The following CSMD1 variants were observed in gnomAD, a reference collection of about 807,000 sequenced individuals.
The protein encoded by CSMD1 is CUB and sushi domain-containing protein 1.
Under a neutral mutation model 417.5 loss-of-function variants are expected in CSMD1, and 213 were observed. The observed-to-expected ratio is 0.51, with a 90% CI of 0.46 to 0.57. The LOEUF is 0.57. Ranked by LOEUF, CSMD1 falls within the 20% of genes least tolerant of loss-of-function variation. CSMD1 has a pLI of 0.00. For synonymous variants in CSMD1, 2,862 were observed against 1,736.8 expected (o/e 1.65, Z -16.11); for missense variants, 6,923 against 4,529.7 (o/e 1.53, Z -15.17).
At chr8:4,461,996 C>G (rs1181183478) in intron 2 of CSMD1, among the ~76,000 whole-genome samples, 4 of 152,052 alleles carry the variant, frequency 2.6e-5, no homozygotes, top group Non-Finnish European at 5.9e-5. Flanking sequence ...CCACCTCGGC[C>G]TCCCAAATTG....
Position 3,699,758 on chromosome 8 carries a change from C to T in CSMD1, c.1009+8656G>A, listed in dbSNP as rs900095. Among the ~76,000 whole-genome samples, 846 of 152,212 alleles carry T rather than the reference C, an allele frequency of 5.6e-3. 10 individuals carry two copies. The highest frequency in any genetic ancestry group is 0.019 in the African/African-American group (778 of 41,494). On this transcript the variant is annotated intron_variant, in intron 7 of 69. Transcript: ENST00000635120. ...ATGACAGCTTCTGGATGCTCCGCAA[C>T]GAGGGACTGTTGAATGTGTGAGTGA...
At chr8:3,157,701 A>T (rs752104395) in intron 39 of CSMD1, among the ~76,000 whole-genome samples, 196 bp downstream of exon 39, 53 of 152,320 alleles carry the variant, frequency 3.5e-4, no homozygotes, top group Admixed American at 3.9e-4. Flanking sequence ...CACTGAGAAG[A>T]CGGAGTTGCT....
intron 10 of CSMD1, among the ~76,000 whole-genome samples, chr8:3,562,435 C>CATGCACGCACAA (rs1563156327): frequency 8.3e-6 from 1 of 121,050 alleles, no homozygotes; most frequent in Non-Finnish European, 1.9e-5. Context: ...TGCACACACA[C>CATGCACGCACAA]GTGCACATAC....
At chr8:4,396,095 G>C (rs374933981) in intron 3 of CSMD1, among the ~76,000 whole-genome samples, 1 of 151,536 alleles carries the variant, frequency 6.6e-6, no homozygotes. Context: ...ATCTCCATTT[G>C]TGTTTAGTAT....
chr8:3,318,868 C>T (rs532004809), intron 23 of CSMD1, among the ~76,000 whole-genome samples: 1 of 152,076 alleles, frequency 6.6e-6, no homozygotes, highest in Non-Finnish European at 1.5e-5. Context: ...TTCCACGGGG[C>T]AGGTGGGTGA....
At chr8:4,700,349 T>A (rs1303690460) in intron 1 of CSMD1, among the ~76,000 whole-genome samples, 2 of 151,936 alleles carry the variant, frequency 1.3e-5, no homozygotes, top group Non-Finnish European at 2.9e-5. Flanking sequence ...TTATAATACA[T>A]ATTATAAAAA....
At chr8:3,695,984 T>G (rs886551595) in intron 7 of CSMD1, among the ~76,000 whole-genome samples, 2 of 152,214 alleles carry the variant, frequency 1.3e-5, no homozygotes, top group African/African-American at 4.8e-5. Flanking sequence ...GGATAGTTTT[T>G]TCCAGTGTTA....
chr8:3,977,822 T>C (rs1813555135), intron 5 of CSMD1, among the ~76,000 whole-genome samples: 1 of 152,204 alleles, frequency 6.6e-6, no homozygotes, highest in South Asian at 2.1e-4. Flanking sequence ...TATGATTCTG[T>C]AGGTTTTCAG....
chr8:3,411,056 G>T (rs1812668526), intron 12 of CSMD1, among the ~76,000 whole-genome samples: 1 of 152,266 alleles, frequency 6.6e-6, no homozygotes, highest in Non-Finnish European at 1.5e-5. Flanking sequence ...TGGAGCAGAA[G>T]GGAGGCCCTG....
intron 1 of CSMD1, among the ~76,000 whole-genome samples, chr8:4,968,667 AG>A (rs1287925570): frequency 6.6e-6 from 1 of 152,290 alleles, no homozygotes; most frequent in African/African-American, 2.4e-5. Flanking sequence ...GTGGTTCAAA[AG>A]ACTTAGCTAT....
chr8:3,149,286 T>C (rs1585482423), intron 40 of CSMD1, among the ~76,000 whole-genome samples: 1 of 152,146 alleles, frequency 6.6e-6, no homozygotes, highest in African/African-American at 2.4e-5. Flanking sequence ...TAAGAAAATA[T>C]TTATACCAAT....
At position 4,295,683 on chromosome 8, in the gene CSMD1, TAC is replaced by T. The variant is rs571416397; in HGVS notation, c.415+124268_415+124269del. On this transcript the variant is annotated intron_variant, in intron 3 of 69. Transcript: ENST00000635120. ...TCTTAAGATTACATATGTTATATTA[TAC>T]ATGTTATATATGTTATATATTGTGT... Among the ~76,000 whole-genome samples the T allele has an allele frequency of 2.8e-3, 403 of 143,262 alleles. 1 individual carries two copies. Among genetic ancestry groups the T allele is most frequent in the African/African-American group, 9.3e-3 (367 of 39,400 alleles). The allele number at this position is 143,262 out of a possible 152,430, so 94.0% of individuals were successfully genotyped here. A position where few individuals can be genotyped will look rare whatever the true frequency, so the allele number is the denominator to read the frequency against.
chr8:4,084,943 G>A (rs1249003663), intron 3 of CSMD1, among the ~76,000 whole-genome samples: 1 of 152,136 alleles, frequency 6.6e-6, no homozygotes, highest in Non-Finnish European at 1.5e-5. Flanking sequence ...GGTAATTTGG[G>A]AAAGCACCTG....
At chr8:4,481,716 T>A (rs967293322) in intron 2 of CSMD1, among the ~76,000 whole-genome samples, 6 of 152,204 alleles carry the variant, frequency 3.9e-5, no homozygotes, top group African/African-American at 9.6e-5. Context: ...TTCCATATAT[T>A]AGACTACTTC....
chr8:4,804,616 G>A (rs1039062736), intron 1 of CSMD1, among the ~76,000 whole-genome samples: 1 of 151,768 alleles, frequency 6.6e-6, no homozygotes, highest in South Asian at 2.1e-4. Flanking sequence ...AGGAAGACAG[G>A]GGATATAAAA....
chr8:3,367,024 C>T lies in CSMD1; in HGVS notation c.3115+8G>A. ...AGAGGAGAGAAACAGCAAACAAGAC[C>T]AACATACCTGAAAATGTGATATTGA... On this transcript the variant is annotated splice_region_variant and intron_variant, in intron 20 of 69. Transcript: ENST00000635120. The T allele has an allele frequency of 1.2e-6, 2 of 1,607,220 alleles. No homozygotes were observed. Among genetic ancestry groups the T allele is most frequent in the Non-Finnish European group, 1.7e-6 (2 of 1,174,648 alleles).
chr8:4,113,921 C>A (rs1801994124), intron 3 of CSMD1, among the ~76,000 whole-genome samples: 1 of 152,168 alleles, frequency 6.6e-6, no homozygotes, highest in Non-Finnish European at 1.5e-5. Flanking sequence ...CCAGCAGAGA[C>A]TGGTTCATAA....
intron 41 of CSMD1, among the ~76,000 whole-genome samples, chr8:3,139,853 G>C (rs917706487): frequency 4.0e-5 from 6 of 151,732 alleles, no homozygotes; most frequent in Admixed American, 6.6e-5. Flanking sequence ...GAGGTACCTA[G>C]AGCATAGGAT....
intron 1 of CSMD1, among the ~76,000 whole-genome samples, chr8:4,661,893 G>C (rs1014830915): frequency 1.4e-4 from 21 of 152,126 alleles, no homozygotes; most frequent in African/African-American, 3.9e-4. Flanking sequence ...GCTGAGACAA[G>C]AATATACGTA....
Sources: allele counts gnomAD v4.1 joint callset (sites outside exome capture counted in the v4.1 genomes callset), GRCh38; gene constraint gnomAD v4.1.1; transcripts MANE v1.5; gene names NCBI Gene and HGNC (gene_info 2026-07-23, HGNC 2026-07-21).